The following FLT1 variants were observed in gnomAD, a reference collection of about 807,000 sequenced individuals.
FLT1 encodes fms related receptor tyrosine kinase 1.
FLT1 carries 49 observed loss-of-function variants against 156.3 expected under a neutral mutation model. The observed-to-expected ratio is 0.31, with a 90% confidence interval of 0.25 to 0.40. The LOEUF (loss-of-function observed/expected upper bound fraction) is 0.40. Among genes scored for constraint, FLT1 ranks in the 10% least tolerant of loss-of-function variants. The pLI is 1.00. For synonymous variants in FLT1, 594 were observed against 583.8 expected (o/e 1.02, Z -0.25); for missense variants, 1,322 against 1,637.2 (o/e 0.81, Z 3.32).
intron 10 of FLT1, among the ~76,000 whole-genome samples, chr13:28,416,783 C>T (rs116087111): frequency 0.014 from 2,136 of 152,252 alleles, 44 homozygotes; most frequent in African/African-American, 0.049. Flanking sequence ...TTGTTTTCCT[C>T]ATCCTACGTG....
At chr13:28,340,480 A>G (rs926497833) in intron 16 of FLT1, among the ~76,000 whole-genome samples, 3 of 152,238 alleles carry the variant, frequency 2.0e-5, no homozygotes, top group African/African-American at 7.2e-5. Context: ...GCAAATTTCT[A>G]GAATTGATGA....
chr13:28,339,372 T>A (rs944914555), intron 16 of FLT1, 72 bp from the exon 17 acceptor site: 46 of 1,517,588 alleles, frequency 3.0e-5, no homozygotes, highest in Admixed American at 7.1e-5. Flanking sequence ...TCCGTTAACA[T>A]CCACTGTTTT....
At chr13:28,413,055 CT>C (rs1291402004) in intron 10 of FLT1, among the ~76,000 whole-genome samples, 1 of 151,958 alleles carries the variant, frequency 6.6e-6, no homozygotes, top group Non-Finnish European at 1.5e-5. Flanking sequence ...AGTGAGAGAC[CT>C]TGTGACGCCT....
At chr13:28,421,077 C>T (rs149544929) in intron 10 of FLT1, among the ~76,000 whole-genome samples, 4 of 152,000 alleles carry the variant, frequency 2.6e-5, no homozygotes, top group Admixed American at 2.6e-4. Context: ...CCCCAGCCCC[C>T]CATAGTACTC....
intron 2 of FLT1, 114 bp downstream of exon 2, chr13:28,467,407 G>A (rs1879910583): frequency 2.6e-6 from 2 of 763,692 alleles, no homozygotes; most frequent in South Asian, 1.5e-5. Flanking sequence ...CCTATGGTTT[G>A]CACTTTGCAG....
intron 24 of FLT1, among the ~76,000 whole-genome samples, chr13:28,318,651 C>T (rs777187799): frequency 1.3e-5 from 2 of 152,100 alleles, no homozygotes; most frequent in African/African-American, 2.4e-5. Flanking sequence ...TCATCGAAAG[C>T]AGGGGAATGA....
chr13:28,423,791 C>T (rs1014828307), intron 10 of FLT1, among the ~76,000 whole-genome samples: 2 of 152,180 alleles, frequency 1.3e-5, no homozygotes, highest in Non-Finnish European at 2.9e-5. Context: ...TTTGCTCAGA[C>T]TCATGGGAGC....
intron 6 of FLT1, among the ~76,000 whole-genome samples, chr13:28,433,582 T>C (rs1022371540): frequency 2.0e-5 from 3 of 152,110 alleles, no homozygotes; most frequent in African/African-American, 7.2e-5. Context: ...GCAATAGAAA[T>C]ACCAGTCTAC....
chr13:28,378,537 ATTC>A (rs1873944673), intron 14 of FLT1, among the ~76,000 whole-genome samples: 1 of 152,148 alleles, frequency 6.6e-6, no homozygotes, highest in African/African-American at 2.4e-5. Context: ...TCAGAGTCAA[ATTC>A]TTCTGGTCTG....
chr13:28,438,097 A>G, intron 4 of FLT1, 124 bp downstream of exon 4: 3 of 878,502 alleles, frequency 3.4e-6, no homozygotes, highest in Non-Finnish European at 5.7e-6. Flanking sequence ...AGGATGTTAC[A>G]GGAAAGTCCA....
At chr13:28,325,832 A>AAG (rs1388722509) in intron 20 of FLT1, among the ~76,000 whole-genome samples, 17 of 151,438 alleles carry the variant, frequency 1.1e-4, no homozygotes, top group Non-Finnish European at 1.5e-5. Context: ...AAAAAAAAAA[A>AAG]AAAAAAGGTT....
At chr13:28,346,765 G>A (rs1253859639) in intron 15 of FLT1, among the ~76,000 whole-genome samples, 1 of 152,176 alleles carries the variant, frequency 6.6e-6, no homozygotes, top group African/African-American at 2.4e-5. Context: ...TTATATTAAG[G>A]TGGGCAAAGG....
intron 1 of FLT1, among the ~76,000 whole-genome samples, chr13:28,472,022 TATTTGAACACTGACAC>T (rs1880206697): frequency 6.6e-6 from 1 of 152,214 alleles, no homozygotes; most frequent in African/African-American, 2.4e-5. Context: ...AACGTGGACT[TATTTGAACACTGACAC>T]TTTGTATTGA....
intron 10 of FLT1, among the ~76,000 whole-genome samples, chr13:28,411,785 A>G (rs1170165235): frequency 6.6e-6 from 1 of 152,150 alleles, no homozygotes; most frequent in Non-Finnish European, 1.5e-5. Context: ...AGCCAGAGCC[A>G]TTGTCTGGGA....
chr13:28,318,059 A>T (rs1186908003), intron 24 of FLT1, among the ~76,000 whole-genome samples: 1 of 152,074 alleles, frequency 6.6e-6, no homozygotes, highest in African/African-American at 2.4e-5. Context: ...CCTGGGCTCA[A>T]GCAATCCTCC....
chr13:28,304,780 C>A (rs983685496), intron 29 of FLT1, among the ~76,000 whole-genome samples: 1 of 152,134 alleles, frequency 6.6e-6, no homozygotes, highest in African/African-American at 2.4e-5. Flanking sequence ...TAAAAGGAAT[C>A]ATGCAATAGG....
At chr13:28,466,820 G>T (rs1484969544) in intron 3 of FLT1, 83 bp downstream of exon 3, 2 of 981,682 alleles carry the variant, frequency 2.0e-6, no homozygotes, top group Admixed American at 1.9e-5. Flanking sequence ...CACTAGGAAA[G>T]CAACCTTTCC....
intron 10 of FLT1, among the ~76,000 whole-genome samples, chr13:28,409,459 C>T (rs182011170): frequency 1.5e-3 from 222 of 152,006 alleles, no homozygotes; most frequent in African/African-American, 5.0e-3. Context: ...TTCAGCCTTC[C>T]GAGTAGCTGG....
At chr13:28,477,956 G>C (rs563639812) in intron 1 of FLT1, among the ~76,000 whole-genome samples, 1 of 152,202 alleles carries the variant, frequency 6.6e-6, no homozygotes, top group Admixed American at 6.5e-5. Flanking sequence ...CAATGTATGT[G>C]AGACTAAATA....
Sources: allele counts gnomAD v4.1 joint callset (sites outside exome capture counted in the v4.1 genomes callset), GRCh38; gene constraint gnomAD v4.1.1; transcripts MANE v1.5; gene names NCBI Gene and HGNC (gene_info 2026-07-23, HGNC 2026-07-21).